The following THSD7B variants were observed in gnomAD, a reference collection of about 807,000 sequenced individuals.
THSD7B encodes the protein thrombospondin type-1 domain-containing protein 7B.
In THSD7B, 138 loss-of-function variants were observed where a neutral mutation model predicts 213.6. The observed-to-expected ratio is 0.65, with a 90% CI of 0.56 to 0.74. The LOEUF is 0.74. Ranked by LOEUF, THSD7B falls within the 30% of genes least tolerant of loss-of-function variation. The pLI is 0.00. For missense variants in THSD7B, 1,931 were observed against 1,991.5 expected, an observed-to-expected ratio of 0.97 and a Z score of 0.58; for synonymous variants, 742 against 687.0, an observed-to-expected ratio of 1.08 and a Z score of -1.25.
intron 12 of THSD7B, among the ~76,000 whole-genome samples, chr2:137,402,404 G>A (rs1686390473): frequency 6.6e-6 from 1 of 151,974 alleles, no homozygotes; most frequent in Non-Finnish European, 1.5e-5. Context: ...AATTTAGATA[G>A]TTTCTAGAAC....
intron 12 of THSD7B, among the ~76,000 whole-genome samples, chr2:137,356,718 C>T (rs1273547319): frequency 6.6e-6 from 1 of 152,122 alleles, no homozygotes; most frequent in Non-Finnish European, 1.5e-5. Context: ...GAAGAGACGC[C>T]AGCTTCTCCA....
At chr2:137,305,834 G>C (rs148497868) in intron 12 of THSD7B, among the ~76,000 whole-genome samples, 8 of 152,206 alleles carry the variant, frequency 5.3e-5, no homozygotes, top group Non-Finnish European at 7.4e-5. Flanking sequence ...CACACATCTA[G>C]ATAGGATAGC....
intron 1 of THSD7B, among the ~76,000 whole-genome samples, chr2:136,850,603 A>G (rs1347875374): frequency 6.6e-6 from 1 of 152,028 alleles, no homozygotes; most frequent in Non-Finnish European, 1.5e-5. Context: ...TGTAAAAAAA[A>G]AATGTGAGTA....
intron 1 of THSD7B, among the ~76,000 whole-genome samples, chr2:136,792,350 A>C (rs186180637): frequency 6.6e-6 from 1 of 152,088 alleles, no homozygotes; most frequent in East Asian, 1.9e-4. Flanking sequence ...GGTTGCCAGG[A>C]GTTCTGGGGG....
chr2:136,836,017 C>A (rs1185019429), intron 1 of THSD7B, among the ~76,000 whole-genome samples: 1 of 152,106 alleles, frequency 6.6e-6, no homozygotes, highest in Non-Finnish European at 1.5e-5. Context: ...CAGCAGACTG[C>A]ATTATTAGAA....
At chr2:137,372,967 G>A (rs1189197920) in intron 12 of THSD7B, among the ~76,000 whole-genome samples, 6 of 150,222 alleles carry the variant, frequency 4.0e-5, no homozygotes, top group Admixed American at 2.7e-4. Context: ...TTGTTCTTGC[G>A]ATAGTTTACT....
chr2:137,412,264 T>C (rs1265107263), intron 14 of THSD7B, among the ~76,000 whole-genome samples: 1 of 96,542 alleles, frequency 1.0e-5, no homozygotes, highest in African/African-American at 2.7e-5. Context: ...TCTAATGTAG[T>C]TGAGAAAAAA....
intron 5 of THSD7B, among the ~76,000 whole-genome samples, chr2:137,159,481 G>GA (rs141643853): frequency 0.046 from 6,932 of 150,044 alleles, 198 homozygotes; most frequent in Admixed American, 0.069. Flanking sequence ...AAAATAAAAA[G>GA]AAAAAAAAAG....
intron 9 of THSD7B, among the ~76,000 whole-genome samples, chr2:137,236,961 A>G (rs970739922): frequency 6.6e-6 from 1 of 152,084 alleles, no homozygotes; most frequent in African/African-American, 2.4e-5. Context: ...AAATACAAAA[A>G]TTAGCCAGGA....
chr2:136,918,964 T>G (rs530317908), intron 2 of THSD7B, among the ~76,000 whole-genome samples: 1 of 152,304 alleles, frequency 6.6e-6, no homozygotes, highest in African/African-American at 2.4e-5. Flanking sequence ...TGGGGTGACT[T>G]TGTATGCTCT....
At chr2:137,327,592 T>C (rs1684401784) in intron 12 of THSD7B, among the ~76,000 whole-genome samples, 1 of 152,200 alleles carries the variant, frequency 6.6e-6, no homozygotes, top group Non-Finnish European at 1.5e-5. Context: ...TCTTGCTTTC[T>C]CTTCCACCTT....
intron 7 of THSD7B, among the ~76,000 whole-genome samples, chr2:137,224,053 G>A (rs10200520): frequency 0.18 from 26,714 of 152,032 alleles, 3,086 homozygotes; most frequent in South Asian, 0.4. Flanking sequence ...AATTACCCAG[G>A]TAGTTCTTTA....
chr2:136,909,441 C>T (rs1227382883), intron 2 of THSD7B, among the ~76,000 whole-genome samples: 1 of 152,026 alleles, frequency 6.6e-6, no homozygotes, highest in Non-Finnish European at 1.5e-5. Flanking sequence ...GAACAGAAAC[C>T]CTTTGAAGGC....
intron 1 of THSD7B, among the ~76,000 whole-genome samples, chr2:136,878,109 T>C (rs1164283529): frequency 6.6e-6 from 1 of 152,090 alleles, no homozygotes; most frequent in Non-Finnish European, 1.5e-5. Context: ...TGTGATGTTC[T>C]CCTTCCTGTG....
intron 17 of THSD7B, among the ~76,000 whole-genome samples, chr2:137,614,721 T>A (rs1402893625): frequency 3.9e-5 from 6 of 152,184 alleles, no homozygotes; most frequent in Admixed American, 2.0e-4. Flanking sequence ...CAATTAAGTA[T>A]AAAATTATAA....
intron 6 of THSD7B, among the ~76,000 whole-genome samples, chr2:137,168,740 T>C (rs1195841824): frequency 6.6e-6 from 1 of 152,186 alleles, no homozygotes; most frequent in Non-Finnish European, 1.5e-5. Flanking sequence ...ACTCATGCCA[T>C]GTCTTGCTCA....
intron 6 of THSD7B, 62 bp from the exon 7 acceptor site, chr2:137,170,679 C>T (rs1680228028): frequency 1.0e-5 from 16 of 1,541,734 alleles, no homozygotes; most frequent in South Asian, 3.5e-5. Context: ...CACCCAGCTG[C>T]TTCTTTTCCT....
At chr2:137,290,381 G>A (rs1683298269) in intron 12 of THSD7B, among the ~76,000 whole-genome samples, 1 of 152,028 alleles carries the variant, frequency 6.6e-6, no homozygotes, top group Admixed American at 6.5e-5. Context: ...GAGCCACAGC[G>A]CCCAGCCCAA....
chr2:137,429,444 T>C (rs1415879641), intron 14 of THSD7B, among the ~76,000 whole-genome samples: 3 of 152,180 alleles, frequency 2.0e-5, no homozygotes, highest in Non-Finnish European at 2.9e-5. Context: ...GTATTATTTA[T>C]GTGTGTGTAT....
Sources: gnomAD v4.1 joint callset for allele counts (sites outside exome capture counted in the v4.1 genomes callset) on GRCh38, gnomAD v4.1.1 for gene constraint, MANE v1.5 for transcripts, NCBI Gene and HGNC (gene_info 2026-07-23, HGNC 2026-07-21) for gene names.